Variants in PCDHGA10 observed in about 807,000 individuals in gnomAD.
The protein encoded by PCDHGA10 is protocadherin gamma-A10.
Under a neutral mutation model 59.5 loss-of-function variants are expected in PCDHGA10, and 42 were observed. The ratio of observed to expected loss-of-function variants is 0.71; its 90% CI spans 0.55 to 0.91. The LOEUF (loss-of-function observed/expected upper bound fraction) is 0.91. PCDHGA10 is among the 40% of genes least tolerant of loss of function. The pLI is 0.00. For synonymous variants in PCDHGA10, 511 were observed against 517.2 expected (o/e 0.99, Z 0.16); for missense variants, 1,111 against 1,198.2 (o/e 0.93, Z 1.07).
intron 1 of PCDHGA10, chr5:141,416,811 A>C (rs1355425793): frequency 2.6e-5 from 4 of 152,188 alleles, no homozygotes; most frequent in Non-Finnish European, 5.9e-5. Context: ...AAAGTCAAAA[A>C]GCATTCCGAA....
At chr5:141,459,137 G>C (rs1336232891) in intron 1 of PCDHGA10, among the ~76,000 whole-genome samples, 1 of 152,190 alleles carries the variant, frequency 6.6e-6, no homozygotes, top group Non-Finnish European at 1.5e-5. Context: ...TAACCACCAT[G>C]CAATCAAAAT....
chr5:141,471,562 G>T (rs2099259935), intron 1 of PCDHGA10: 1 of 152,136 alleles, frequency 6.6e-6, no homozygotes, highest in Non-Finnish European at 1.5e-5. Flanking sequence ...TTGACTCAGG[G>T]GTAGCAGTAG....
At position 141,486,602 on chromosome 5, in the gene PCDHGA10, C is replaced by T; in HGVS notation, c.2437-8205C>T. The stretch of plus-strand genomic sequence containing the variant: ...TCGCCCAGGGGACCTGCTTTGCTCC[C>T]TTGCAGCCTCTGACCCAGACTCTGG... On this transcript the variant is annotated intron_variant, in intron 1 of 3. Transcript: ENST00000398610. The surrounding 1 kb of genome is among the most constrained non-coding windows in gnomAD (Gnocchi z 5.0). 6.2e-7 allele frequency: 1 copy of T among 1,613,572 alleles called. No homozygotes were observed. Among genetic ancestry groups the T allele is most frequent in the Non-Finnish European group, 8.5e-7 (1 of 1,180,026 alleles).
intron 2 of PCDHGA10, 117 bp downstream of exon 2, chr5:141,494,982 G>T: frequency 1.3e-6 from 2 of 1,563,940 alleles, no homozygotes; most frequent in Non-Finnish European, 1.7e-6. Flanking sequence ...CTCAGTTTGA[G>T]ATCCCAGGGA....
At chr5:141,497,209 TG>T (rs11343387) in intron 2 of PCDHGA10, among the ~76,000 whole-genome samples, 90,704 of 151,262 alleles carry the variant, frequency 0.6, 29,397 homozygotes, top group African/African-American at 0.86. Context: ...GTGAGTGTAA[TG>T]GGGGGGGGAA....
chr5:141,456,578 C>G (rs959608396), intron 1 of PCDHGA10, among the ~76,000 whole-genome samples: 10 of 152,182 alleles, frequency 6.6e-5, no homozygotes, highest in African/African-American at 1.7e-4. Flanking sequence ...TTTCCCTGAG[C>G]CTGTCAATAA....
At position 141,463,610 on chromosome 5, in the gene PCDHGA10, G is replaced by T. The variant is rs189991450; in HGVS notation, c.2437-31197G>T. Among the ~76,000 whole-genome samples, 263 of 151,786 alleles carry T rather than the reference G, an allele frequency of 1.7e-3. 1 individual carries two copies. The highest frequency in any genetic ancestry group is 3.4e-3 in the Middle Eastern group (1 of 292). ...ACTACAGGTGCCTGCCACCATGCCC[G>T]GCTAATTTTTTGTATTTTGTTTAGT... On this transcript the variant is annotated intron_variant, in intron 1 of 3. Transcript: ENST00000398610.
At chr5:141,428,142 C>T in intron 1 of PCDHGA10, 1 of 1,594,260 alleles carries the variant, frequency 6.3e-7, no homozygotes, top group Non-Finnish European at 8.6e-7. Flanking sequence ...CCTGGGGCTG[C>T]ACACGGGAAC....
intron 1 of PCDHGA10, chr5:141,419,910 C>A (rs539905795): frequency 1.9e-6 from 3 of 1,613,968 alleles, no homozygotes; most frequent in Non-Finnish European, 2.5e-6. Flanking sequence ...CCCTCTGACT[C>A]CCAGGCTGAG....
At chr5:141,481,747 T>A (rs1319673737) in intron 1 of PCDHGA10, among the ~76,000 whole-genome samples, 3 of 151,684 alleles carry the variant, frequency 2.0e-5, no homozygotes, top group African/African-American at 7.3e-5. Flanking sequence ...AGGTCAGGAG[T>A]CCAAGACCAG....
chr5:141,450,900 C>T (rs907024071), intron 1 of PCDHGA10, among the ~76,000 whole-genome samples: 9 of 151,048 alleles, frequency 6.0e-5, no homozygotes, highest in Non-Finnish European at 1.2e-4. Flanking sequence ...TATCGGCTCA[C>T]TGCAACCGCT....
At position 141,491,318 on chromosome 5, in the gene PCDHGA10, A is replaced by C; in HGVS notation, c.2437-3489A>C. The C allele has an allele frequency of 6.2e-7, 1 of 1,613,862 alleles. No individual in the cohort carries two copies. The highest frequency in any genetic ancestry group is 8.5e-7 in the Non-Finnish European group (1 of 1,179,916). On this transcript the variant is annotated intron_variant, in intron 1 of 3. Transcript: ENST00000398610. The surrounding 1 kb of genome is among the most constrained non-coding windows in gnomAD (Gnocchi z 6.9). ...CCTGAGCGTTCAGACCTTACCCTTT[A>C]CCTCATTGTGGCTCTAGCGACCGTC...
At chr5:141,474,126 A>G (rs1450071391) in intron 1 of PCDHGA10, among the ~76,000 whole-genome samples, 2 of 152,232 alleles carry the variant, frequency 1.3e-5, no homozygotes, top group African/African-American at 4.8e-5. Context: ...AAAATCTCAG[A>G]AAACTACAGG....
At position 141,477,418 on chromosome 5, in the gene PCDHGA10, C is replaced by G. The variant is rs759728291; in HGVS notation, c.2437-17389C>G. ...GCATCACCGCCCGAGACGCCGGAAC[C>G]CCTTCCCTCTCAGCCCTTACAATAG... On this transcript the variant is annotated intron_variant, in intron 1 of 3. Transcript: ENST00000398610. This position sits in a 1 kb window ranked among gnomAD's most constrained non-coding sequence, Gnocchi z 4.9. 2 of 1,614,166 alleles carry G rather than the reference C, an allele frequency of 1.2e-6. No homozygotes were observed. Among genetic ancestry groups the G allele is most frequent in the Non-Finnish European group, 1.7e-6 (2 of 1,180,030 alleles).
intron 2 of PCDHGA10, among the ~76,000 whole-genome samples, chr5:141,503,398 C>A (rs1374324008): frequency 6.6e-6 from 1 of 151,784 alleles, no homozygotes; most frequent in African/African-American, 2.4e-5. Flanking sequence ...AGTTCGAAAC[C>A]AACCTGGCCA....
At chr5:141,507,809 C>G (rs866898784) in intron 3 of PCDHGA10, among the ~76,000 whole-genome samples, 1 of 152,206 alleles carries the variant, frequency 6.6e-6, no homozygotes, top group Non-Finnish European at 1.5e-5. Context: ...CCCTGGGGAA[C>G]GGACCCTGGG....
At chr5:141,488,213 C>T (rs1261280988) in intron 1 of PCDHGA10, among the ~76,000 whole-genome samples, 1 of 152,118 alleles carries the variant, frequency 6.6e-6, no homozygotes, top group Non-Finnish European at 1.5e-5. Context: ...CATATCAAGT[C>T]CCTACTGGGG....
At chr5:141,426,514 G>A (rs867794856) in intron 1 of PCDHGA10, 22 of 340,738 alleles carry the variant, frequency 6.5e-5, no homozygotes, top group Non-Finnish European at 8.2e-5. Context: ...ATACTTTACC[G>A]TGAACACGGA....
At chr5:141,430,846 C>CCA in intron 1 of PCDHGA10, 1 of 1,576,346 alleles carries the variant, frequency 6.3e-7, no homozygotes, top group Non-Finnish European at 8.6e-7. Context: ...CCGGATGCAC[C>CCA]CAGATACGCT....
Sources: gnomAD v4.1 joint callset for allele counts (sites outside exome capture counted in the v4.1 genomes callset) on GRCh38, gnomAD v4.1.1 for gene constraint, Gnocchi (gnomAD v3.1) non-coding constraint, MANE v1.5 for transcripts, NCBI Gene and HGNC (gene_info 2026-07-23, HGNC 2026-07-21) for gene names.